The following SLC35D4 variants were observed in gnomAD, a reference collection of about 807,000 sequenced individuals.
SLC35D4 encodes the protein solute carrier family 35 member D4.
chr18:23,354,362 A>G, the SLC35D4 span, among the ~76,000 whole-genome samples: 4 of 149,720 alleles, frequency 2.7e-5, no homozygotes, highest in African/African-American at 9.8e-5. Context: ...AAAAAAAAAA[A>G]AAAAGAAAAT....
chr18:23,266,938 G>A, the SLC35D4 span, among the ~76,000 whole-genome samples: 581 of 152,340 alleles, frequency 3.8e-3, 4 homozygotes, highest in African/African-American at 0.013. Flanking sequence ...AGGGGCTGGT[G>A]GGCTGCCTTG....
chr18:23,436,209 G>A, the SLC35D4 span, among the ~76,000 whole-genome samples: 1 of 151,776 alleles, frequency 6.6e-6, no homozygotes, highest in East Asian at 2.0e-4. Flanking sequence ...TGTATTTTCA[G>A]TAGAGACGGG....
chr18:23,437,938 C>T, the SLC35D4 span: 1 of 1,431,950 alleles, frequency 7.0e-7, no homozygotes, highest in South Asian at 1.2e-5. Flanking sequence ...GCAGCAGCGG[C>T]AGCGGCAGCA....
At chr18:23,300,893 ACCGAAGCCT>A in the SLC35D4 span, among the ~76,000 whole-genome samples, 1 of 152,222 alleles carries the variant, frequency 6.6e-6, no homozygotes, top group African/African-American at 2.4e-5. Context: ...CCTATGAGGG[ACCGAAGCCT>A]CCATCTAAAT....
chr18:23,258,031 C>CCAGA, the SLC35D4 span: 1 of 152,162 alleles, frequency 6.6e-6, no homozygotes, highest in Non-Finnish European at 1.5e-5. Context: ...TCTCTCGGTA[C>CCAGA]CAGACAGTTT....
chr18:23,372,543 T>C, the SLC35D4 span, among the ~76,000 whole-genome samples: 1 of 152,238 alleles, frequency 6.6e-6, no homozygotes, highest in Non-Finnish European at 1.5e-5. Context: ...TATTCTATGC[T>C]ATGAAATGGA....
chr18:23,367,211 A>C, the SLC35D4 span, among the ~76,000 whole-genome samples: 2 of 152,216 alleles, frequency 1.3e-5, no homozygotes, highest in Non-Finnish European at 2.9e-5. Flanking sequence ...GAAATAATTA[A>C]GTGAAGAGTT....
At chr18:23,252,191 G>A in the SLC35D4 span, among the ~76,000 whole-genome samples, 1 of 152,182 alleles carries the variant, frequency 6.6e-6, no homozygotes, top group Admixed American at 6.5e-5. Flanking sequence ...ATAAAGTGGA[G>A]TAGTGGTTGC....
chr18:23,395,723 A>T, the SLC35D4 span, among the ~76,000 whole-genome samples: 1 of 152,186 alleles, frequency 6.6e-6, no homozygotes, highest in African/African-American at 2.4e-5. Context: ...TTTGACCAGG[A>T]AATTATAAGA....
chr18:23,426,070 C>T, the SLC35D4 span, among the ~76,000 whole-genome samples: 14 of 152,142 alleles, frequency 9.2e-5, no homozygotes, highest in Admixed American at 2.6e-4. Flanking sequence ...AATTTCCTCA[C>T]ATTGCACCAT....
At chr18:23,244,225 C>T in the SLC35D4 span, among the ~76,000 whole-genome samples, 1 of 152,216 alleles carries the variant, frequency 6.6e-6, no homozygotes, top group East Asian at 1.9e-4. Context: ...TCCAGGAGTC[C>T]TGTAGCACCA....
the SLC35D4 span, among the ~76,000 whole-genome samples, chr18:23,319,745 A>G: frequency 7.9e-5 from 12 of 152,140 alleles, no homozygotes; most frequent in Admixed American, 7.9e-4. Context: ...TGCCTATTTC[A>G]GCACTGTAAA....
the SLC35D4 span, among the ~76,000 whole-genome samples, chr18:23,313,100 CT>C: frequency 6.3e-3 from 758 of 119,976 alleles, 10 homozygotes; most frequent in African/African-American, 0.021. Flanking sequence ...GCACTCCAGC[CT>C]ATGTGACAGA....
the SLC35D4 span, among the ~76,000 whole-genome samples, chr18:23,318,754 T>C: frequency 6.6e-6 from 1 of 152,250 alleles, no homozygotes; most frequent in African/African-American, 2.4e-5. Flanking sequence ...TGTGATTCAG[T>C]AGACATTTGA....
chr18:23,316,363 C>T, the SLC35D4 span, among the ~76,000 whole-genome samples: 1 of 152,172 alleles, frequency 6.6e-6, no homozygotes, highest in African/African-American at 2.4e-5. Flanking sequence ...CATCTGAGAG[C>T]AGGCTCTTTT....
the SLC35D4 span, among the ~76,000 whole-genome samples, chr18:23,415,101 G>A: frequency 2.6e-5 from 4 of 152,154 alleles, no homozygotes; most frequent in Non-Finnish European, 5.9e-5. Flanking sequence ...AACAGAGCAA[G>A]ACTCTGTCTC....
At chr18:23,428,700 T>A in the SLC35D4 span, among the ~76,000 whole-genome samples, 4 of 143,792 alleles carry the variant, frequency 2.8e-5, no homozygotes, top group Admixed American at 7.0e-5. Flanking sequence ...TTTTTTTTTT[T>A]AAAGATTCAA....
chr18:23,246,536 C>T, the SLC35D4 span, among the ~76,000 whole-genome samples: 10 of 151,902 alleles, frequency 6.6e-5, no homozygotes, highest in African/African-American at 1.9e-4. Context: ...GGACTACAGG[C>T]ACCCGCCACC....
chr18:23,314,160 C>T, the SLC35D4 span, among the ~76,000 whole-genome samples: 1 of 152,224 alleles, frequency 6.6e-6, no homozygotes, highest in African/African-American at 2.4e-5. Context: ...CAAGAATAGC[C>T]TCTTAGGCTT....
Sources: gnomAD v4.1 joint callset for allele counts (sites outside exome capture counted in the v4.1 genomes callset) on GRCh38, gnomAD v4.1.1 for gene constraint, MANE v1.5 for transcripts, NCBI Gene and HGNC (gene_info 2026-07-23, HGNC 2026-07-21) for gene names.